Variants in DPYSL3 observed in about 807,000 individuals in gnomAD.
The protein encoded by DPYSL3 is dihydropyrimidinase-related protein 3.
In DPYSL3, 16 loss-of-function variants were observed where a neutral mutation model predicts 66.1. That is an observed-to-expected ratio of 0.24 (90% CI 0.16 to 0.37). The LOEUF (loss-of-function observed/expected upper bound fraction) is 0.37, where lower values mean the gene tolerates loss of function less well. Ranked by LOEUF, DPYSL3 falls within the 10% of genes least tolerant of loss-of-function variation. The pLI is 1.00. For synonymous variants in DPYSL3, 338 were observed against 345.1 expected, an observed-to-expected ratio of 0.98 and a Z score of 0.23; for missense variants, 738 against 916.2, an observed-to-expected ratio of 0.81 and a Z score of 2.51.
intron 13 of DPYSL3, among the ~76,000 whole-genome samples, chr5:147,394,635 G>C (rs907172068): frequency 6.6e-6 from 1 of 151,628 alleles, no homozygotes; most frequent in Non-Finnish European, 1.5e-5. Flanking sequence ...ATTCAGAAAG[G>C]AGCCTCTAAA....
At chr5:147,477,561 CTTTTTTTTTTTTTTTTT>C (rs56406515) in intron 1 of DPYSL3, among the ~76,000 whole-genome samples, 3 of 64,760 alleles carry the variant, frequency 4.6e-5, no homozygotes, top group Admixed American at 3.0e-4. Flanking sequence ...ACACCTAAAT[CTTTTTTTTTTTTTTTTT>C]TTTTTTTTTT....
intron 7 of DPYSL3, among the ~76,000 whole-genome samples, chr5:147,406,522 G>C (rs1561775360): frequency 6.6e-6 from 1 of 152,100 alleles, no homozygotes; most frequent in Non-Finnish European, 1.5e-5. Flanking sequence ...TGACATGTTG[G>C]GCTGTGGTGA....
intron 8 of DPYSL3, among the ~76,000 whole-genome samples, chr5:147,403,048 C>T (rs1446348547): frequency 1.3e-5 from 2 of 152,172 alleles, no homozygotes; most frequent in African/African-American, 4.8e-5. Context: ...TGCCTTGTTT[C>T]AACTCCATTC....
rs1018518106 is a variant in DPYSL3, at chr5:147,420,037, C to G, written c.471-1406G>C. Among the ~76,000 whole-genome samples the G allele has an allele frequency of 2.0e-5, 3 of 152,302 alleles. No individual in the cohort carries two copies. In the South Asian group the frequency reaches 6.2e-4, roughly 32 times the overall value. The stretch of plus-strand genomic sequence containing the variant: ...ATAGAAATGGCTTCCCCCTTCGTCA[C>G]TGCTCCACCAACGAAGGCCGCATTA... On this transcript the variant is annotated intron_variant, in intron 2 of 13. Coordinates refer to ENST00000343218, the MANE Select transcript of DPYSL3 (RefSeq NM_001197294.2).
intron 1 of DPYSL3, among the ~76,000 whole-genome samples, chr5:147,434,130 G>A (rs1425885581): frequency 4.0e-5 from 6 of 151,798 alleles, no homozygotes; most frequent in Non-Finnish European, 2.9e-5. Context: ...TAATATCGAT[G>A]TACTGTTAAA....
chr5:147,480,076 T>C (rs6886930), intron 1 of DPYSL3, among the ~76,000 whole-genome samples: 6,520 of 152,184 alleles, frequency 0.043, 399 homozygotes, highest in African/African-American at 0.13. Context: ...ACTACATGAC[T>C]CAGAATTCTT....
chr5:147,442,712 G>C (rs1368343255), intron 1 of DPYSL3, among the ~76,000 whole-genome samples: 2 of 151,984 alleles, frequency 1.3e-5, no homozygotes, highest in East Asian at 3.9e-4. Context: ...ATAATATATA[G>C]CTATTAAAAA....
At chr5:147,492,163 AC>A (rs778517174) in intron 1 of DPYSL3, among the ~76,000 whole-genome samples, 4 of 152,154 alleles carry the variant, frequency 2.6e-5, no homozygotes, top group Non-Finnish European at 4.4e-5. Flanking sequence ...GAAATAAAAA[AC>A]ATCAACCTAG....
intron 1 of DPYSL3, among the ~76,000 whole-genome samples, chr5:147,438,545 A>G (rs1205978250): frequency 2.0e-5 from 3 of 152,206 alleles, no homozygotes; most frequent in African/African-American, 7.2e-5. Flanking sequence ...TGTTAACATT[A>G]TGGGAATACA....
intron 1 of DPYSL3, chr5:147,453,965 C>A: frequency 3.6e-6 from 1 of 280,168 alleles, no homozygotes; most frequent in South Asian, 1.7e-4. Flanking sequence ...CTGCCTCACC[C>A]ACTTTTTCTT....
intron 2 of DPYSL3, among the ~76,000 whole-genome samples, chr5:147,421,383 A>T (rs968846853): frequency 1.3e-5 from 2 of 152,222 alleles, no homozygotes. Context: ...TGGGAAAAAA[A>T]TCCATGCTCA....
chr5:147,485,778 C>T (rs1241698305), intron 1 of DPYSL3, among the ~76,000 whole-genome samples: 1 of 152,152 alleles, frequency 6.6e-6, no homozygotes, highest in East Asian at 1.9e-4. Flanking sequence ...CAATCCTCTT[C>T]TATTAACTGT....
intron 1 of DPYSL3, among the ~76,000 whole-genome samples, chr5:147,500,994 T>C (rs1396787603): frequency 2.0e-5 from 3 of 152,232 alleles, no homozygotes; most frequent in Non-Finnish European, 2.9e-5. Context: ...TGAAGACTTA[T>C]GTTCATACAA....
intron 1 of DPYSL3, chr5:147,472,716 T>A (rs1452717496): frequency 1.3e-5 from 2 of 152,222 alleles, no homozygotes; most frequent in Non-Finnish European, 2.9e-5. Flanking sequence ...GATGCATGTT[T>A]TCACTTTTCC....
chr5:147,418,449 A>T lies in DPYSL3; in HGVS notation c.653T>A (p.Ile218Asn). 6.2e-7 allele frequency: 1 copy of T among 1,605,300 alleles called. No homozygotes were observed. Among genetic ancestry groups the T allele is most frequent in the Non-Finnish European group, 8.5e-7 (1 of 1,175,016 alleles). The part of the protein sequence containing the change: ...KAALAGGTTM[I>N]IDHVVPEPES... Reference sequence around the variant, plus strand: ...GTGTGTAAAATATGAAGACTTACTGATCATGGTGGTGCCACCTGCTAAGGC... The same window carrying T: ...GTGTGTAAAATATGAAGACTTACTGTTCATGGTGGTGCCACCTGCTAAGGC... Residue 218 changes from isoleucine (I) to asparagine (N), a missense_variant and splice_region_variant, in exon 3 of 14, where the codon ATC (isoleucine) becomes AAC (asparagine). Transcript: ENST00000343218.
At chr5:147,432,373 A>T (rs1248965420) in intron 1 of DPYSL3, among the ~76,000 whole-genome samples, 2 of 152,138 alleles carry the variant, frequency 1.3e-5, no homozygotes, top group African/African-American at 4.8e-5. Context: ...TGAACTGGAG[A>T]ATCAAAGCCA....
At chr5:147,506,488 A>G (rs1753686909) in intron 1 of DPYSL3, among the ~76,000 whole-genome samples, 1 of 152,170 alleles carries the variant, frequency 6.6e-6, no homozygotes, top group Admixed American at 6.6e-5. Flanking sequence ...GAAGCAACAT[A>G]TTCAGTTCTG....
At chr5:147,489,726 C>T (rs866986748) in intron 1 of DPYSL3, among the ~76,000 whole-genome samples, 1 of 146,434 alleles carries the variant, frequency 6.8e-6, no homozygotes, top group South Asian at 2.1e-4. Context: ...GCGTTCTTTC[C>T]TTTTATGTTT....
chr5:147,465,934 A>G (rs981990593), intron 1 of DPYSL3, among the ~76,000 whole-genome samples: 1 of 152,126 alleles, frequency 6.6e-6, no homozygotes, highest in Non-Finnish European at 1.5e-5. Context: ...CCTTCATCCT[A>G]TTATTCTTCT....
Sources: allele counts gnomAD v4.1 joint callset (sites outside exome capture counted in the v4.1 genomes callset), GRCh38; gene constraint gnomAD v4.1.1; transcripts MANE v1.5; gene names NCBI Gene and HGNC (gene_info 2026-07-23, HGNC 2026-07-21).